FLT4: variants seen among roughly 807,000 people sequenced by gnomAD.
FLT4 encodes the protein vascular endothelial growth factor receptor 3.
A neutral mutation model predicts 163.2 loss-of-function variants in FLT4; 30 were observed. The observed-to-expected ratio is 0.18, with a 90% CI of 0.14 to 0.25. The LOEUF (loss-of-function observed/expected upper bound fraction) is 0.25. FLT4 is among the 10% of genes least tolerant of loss of function. The probability of loss-of-function intolerance (pLI) is 1.00; values close to 1 mark genes in which losing one functional copy is unlikely to be tolerated. For missense variants in FLT4, 1,510 were observed against 1,863.8 expected (o/e 0.81, Z 3.50); for synonymous variants, 884 against 789.5 (o/e 1.12, Z -2.01).
chr5:180,619,224 G>C, intron 19 of FLT4, 29 bp downstream of exon 19: 1 of 1,540,426 alleles, frequency 6.5e-7, no homozygotes, highest in Non-Finnish European at 8.8e-7. Flanking sequence ...CCGGGGTCTC[G>C]CCGTCCCAGC....
At chr5:180,611,667 G>A (rs1762214092) in intron 26 of FLT4, 188 bp from the exon 27 acceptor site, 4 of 621,748 alleles carry the variant, frequency 6.4e-6, no homozygotes, top group South Asian at 3.7e-5. Flanking sequence ...GGACTGCTTG[G>A]GCTCCTGACC....
At chr5:180,646,904 C>T (rs1043134179) in intron 1 of FLT4, among the ~76,000 whole-genome samples, 2 of 152,214 alleles carry the variant, frequency 1.3e-5, no homozygotes, top group Non-Finnish European at 2.9e-5. Flanking sequence ...ACTCCTTCAG[C>T]CACACTGGCT....
intron 1 of FLT4, among the ~76,000 whole-genome samples, chr5:180,643,066 G>A (rs1235693305): frequency 1.3e-5 from 2 of 152,236 alleles, no homozygotes; most frequent in Non-Finnish European, 2.9e-5. Flanking sequence ...AGGATTAAGG[G>A]AAGCTACTAT....
At chr5:180,627,606 A>G (rs896561490) in intron 8 of FLT4, among the ~76,000 whole-genome samples, 4 of 152,142 alleles carry the variant, frequency 2.6e-5, no homozygotes, top group Admixed American at 2.6e-4. Context: ...GTGCCATAGG[A>G]AGGGTGGGCA....
chr5:180,648,605 C>T (rs770391076), intron 1 of FLT4, among the ~76,000 whole-genome samples: 1 of 152,174 alleles, frequency 6.6e-6, no homozygotes, highest in African/African-American at 2.4e-5. Context: ...ACTCCCAGCT[C>T]ATCTTCTCAG....
chr5:180,614,586 C>A (rs1027150855), intron 23 of FLT4, among the ~76,000 whole-genome samples: 1 of 152,072 alleles, frequency 6.6e-6, no homozygotes, highest in East Asian at 1.9e-4. Flanking sequence ...CCCTGGAAGC[C>A]GGGCCATCAC....
In FLT4 at chr5:180,609,984, C is replaced by T. The variant is rs1365945352; in HGVS notation, c.3728G>A (p.Gly1243Glu). Reference protein sequence around the residue: ...WVSFPGCLARGAETRGSSRMK... With the variant: ...WVSFPGCLAREAETRGSSRMK... ...CCTGGAGGAACCACGGGTCTCAGCC[C>T]CTCTGGCCAGGCACCCGGGAAAGGA... is the stretch of plus-strand genomic sequence containing the variant. The change falls in exon 28 of 30, where the codon GGG becomes GAG. Residue 1243 changes from glycine (G) to glutamate (E), a missense_variant. Transcript: ENST00000261937. 6.2e-7 allele frequency: 1 copy of T among 1,614,080 alleles called. No homozygotes were observed. Among genetic ancestry groups the T allele is most frequent in the East Asian group, 2.2e-5 (1 of 44,894 alleles).
intron 1 of FLT4, among the ~76,000 whole-genome samples, chr5:180,633,369 C>G (rs889725334): frequency 3.3e-5 from 5 of 152,264 alleles, no homozygotes; most frequent in Non-Finnish European, 7.3e-5. Flanking sequence ...AAGGCAGCGC[C>G]TCGCCTGTCT....
rs1761593688 is a variant in FLT4, at chr5:180,603,007, A to T, written c.*185T>A. On this transcript the variant is annotated 3_prime_UTR_variant, in exon 30 of 30. Coordinates refer to ENST00000261937, the MANE Select transcript of FLT4 (RefSeq NM_182925.5). ...AGCGTGGCCCTGGCCAGTCGTGGTG[A>T]CGGAATTCCGGGAGCCTTGGGCCTG... 1.6e-5 allele frequency: 10 copies of T among 642,056 alleles called. No homozygotes were observed. Among genetic ancestry groups the T allele is most frequent in the South Asian group, 3.7e-5 (2 of 54,052 alleles). 39.8% of individuals were successfully genotyped at this position (642,056 alleles called of 1,614,324 possible). A position where few individuals can be genotyped will look rare whatever the true frequency, so the allele number is the denominator to read the frequency against.
At chr5:180,650,173 A>C (rs1458804557), upstream of FLT4, among the ~76,000 whole-genome samples, 1 of 145,296 alleles carries the variant, frequency 6.9e-6, no homozygotes, top group Non-Finnish European at 1.6e-5. Context: ...GGGAGCCAAA[A>C]AAAAAAAAAA....
Position 180,614,193 on chromosome 5 carries a change from G to T in FLT4, c.3220-14C>A. 2 of 1,583,030 alleles carry T rather than the reference G, an allele frequency of 1.3e-6. No individual in the cohort carries two copies. Among genetic ancestry groups the T allele is most frequent in the South Asian group, 1.1e-5 (1 of 90,260 alleles). Reference sequence around the variant, plus strand: ...GGGCAGCCGGGCCTGGGGAGACAGAGGGAAGCTTGTCCCGTGGTGGATGGG... The same window carrying T: ...GGGCAGCCGGGCCTGGGGAGACAGATGGAAGCTTGTCCCGTGGTGGATGGG... On this transcript the variant is annotated splice_polypyrimidine_tract_variant and intron_variant, in intron 23 of 29. Transcript: ENST00000261937.
chr5:180,649,262 G>C (rs1267501824), intron 1 of FLT4, among the ~76,000 whole-genome samples: 1 of 151,858 alleles, frequency 6.6e-6, no homozygotes, highest in Non-Finnish European at 1.5e-5. Context: ...GCCGAGGCGC[G>C]GCCCGGCCGC....
rs398453 is a variant in FLT4, at chr5:180,649,240, A to G, written c.58+248T>C. On this transcript the variant is annotated intron_variant, in intron 1 of 29. Transcript: ENST00000261937. ...GAGACGCGGATTCAGGGGCCGGGAGAGCTACCCCTGCGCCGAGGCGCGGCC... is the reference window on the plus strand; with the variant it reads ...GAGACGCGGATTCAGGGGCCGGGAGGGCTACCCCTGCGCCGAGGCGCGGCC... 0.32 allele frequency among the ~76,000 whole-genome samples: 49,163 copies of G among 151,526 alleles called. 8,582 individuals are homozygous for G. Among genetic ancestry groups the G allele is most frequent in the East Asian group, 0.61 (3,081 of 5,078 alleles).
At position 180,618,792 on chromosome 5, in the gene FLT4, C is replaced by T. The variant is rs1466474507; in HGVS notation, c.2979G>A (p.Arg993=). The T allele has an allele frequency of 1.3e-6, 2 of 1,589,040 alleles. No individual in the cohort carries two copies. Among genetic ancestry groups the T allele is most frequent in the Non-Finnish European group, 1.7e-6 (2 of 1,168,388 alleles). ...ARFSKTEGGA[R]RASPDQEAED... is the part of the protein sequence containing the mutation. ...CACCTTCTTGGTCTGGAGAAGCCCG[C>T]CTCGCTCCGCCCTCGGTCTTCGAGA... The change falls in exon 21 of 30, where the codon AGG becomes AGA. Residue 993 remains arginine (R), a synonymous_variant. Coordinates refer to ENST00000261937, the MANE Select transcript of FLT4 (RefSeq NM_182925.5).
At chr5:180,637,237 G>A (rs1030469930) in intron 1 of FLT4, among the ~76,000 whole-genome samples, 9 of 151,672 alleles carry the variant, frequency 5.9e-5, no homozygotes, top group African/African-American at 2.2e-4. Flanking sequence ...GGCTGAGGCA[G>A]GAGAATCGCT....
At chr5:180,642,167 A>C (rs1267369031) in intron 1 of FLT4, among the ~76,000 whole-genome samples, 4 of 150,930 alleles carry the variant, frequency 2.7e-5, no homozygotes, top group Non-Finnish European at 5.9e-5. Context: ...AGATCGCGCC[A>C]CTGCACTCCA....
chr5:180,607,592 G>T (rs1380711552), intron 29 of FLT4, among the ~76,000 whole-genome samples: 1 of 149,570 alleles, frequency 6.7e-6, no homozygotes. Context: ...AGCGAGCAGA[G>T]ATCGCACCAC....
chr5:180,629,158 G>T, intron 7 of FLT4, 101 bp downstream of exon 7: 4 of 1,512,134 alleles, frequency 2.6e-6, no homozygotes, highest in Non-Finnish European at 2.7e-6. Context: ...TCTGCTCGTG[G>T]CCCTCCCTTC....
intron 1 of FLT4, among the ~76,000 whole-genome samples, chr5:180,637,815 C>T (rs750139455): frequency 2.2e-4 from 33 of 152,146 alleles, no homozygotes; most frequent in Non-Finnish European, 4.4e-5. Context: ...CAGGTGTGGG[C>T]CACCATGCCT....
Sources: gnomAD v4.1 joint callset for allele counts (sites outside exome capture counted in the v4.1 genomes callset) on GRCh38, gnomAD v4.1.1 for gene constraint, MANE v1.5 for transcripts, NCBI Gene and HGNC (gene_info 2026-07-23, HGNC 2026-07-21) for gene names.